CYP2C19: variants seen among roughly 807,000 people sequenced by gnomAD.
CYP2C19 encodes cytochrome P450 family 2 subfamily C member 19.
CYP2C19 carries 59 observed loss-of-function variants against 40.9 expected under a neutral mutation model. That is an observed-to-expected ratio of 1.44 (90% CI 1.17 to 1.79). The LOEUF (loss-of-function observed/expected upper bound fraction) is 1.79. CYP2C19 is among the 40% of genes most tolerant of loss of function. CYP2C19 has a pLI of 0.00. For missense variants in CYP2C19, 754 were observed against 596.9 expected (o/e 1.26, Z -2.74); for synonymous variants, 253 against 208.7 (o/e 1.21, Z -1.83).
chr10:94,828,943 G>T (rs538002781), intron 6 of CYP2C19, among the ~76,000 whole-genome samples: 165 of 151,946 alleles, frequency 1.1e-3, no homozygotes, highest in African/African-American at 3.9e-3. Flanking sequence ...GGCTGGATAT[G>T]AAATTCTGGG....
At position 94,804,566 on chromosome 10, in the gene CYP2C19, C is replaced by A. The variant is rs140188953; in HGVS notation, c.820-15930C>A. ...TCAGCATGTTCAAGCCTCTCCCCAC[C>A]TTAGCTGCAGGGCTTAGAATAAACA... On this transcript the variant is annotated intron_variant, in intron 5 of 8. Transcript: ENST00000371321. Among the ~76,000 whole-genome samples the A allele has an allele frequency of 4.9e-4, 75 of 152,324 alleles. 1 individual carries two copies. In the South Asian group the frequency reaches 7.7e-3, roughly 16 times the overall value.
At chr10:94,845,219 A>G (rs959355222) in intron 7 of CYP2C19, among the ~76,000 whole-genome samples, 7 of 152,214 alleles carry the variant, frequency 4.6e-5, no homozygotes, top group Admixed American at 2.0e-4. Context: ...TAAATATTTT[A>G]GACTTTTTAG....
chr10:94,853,063 A>C lies in CYP2C19; in HGVS notation c.*149A>C. 3.6e-6 allele frequency: 3 copies of C among 833,056 alleles called. No homozygotes were observed. Among genetic ancestry groups the C allele is most frequent in the Non-Finnish European group, 5.5e-6 (3 of 543,030 alleles). 51.6% of individuals were successfully genotyped at this position (833,056 alleles called of 1,614,324 possible). A position where few individuals can be genotyped will look rare whatever the true frequency, so the allele number is the denominator to read the frequency against. On this transcript the variant is annotated 3_prime_UTR_variant, in exon 9 of 9. Transcript: ENST00000371321. ...CTAGTGAACATTCAGCCTCCATTAA[A>C]AAAGTTTCACTGTGCAAATATATCT... is the stretch of plus-strand genomic sequence containing the variant.
intron 5 of CYP2C19, among the ~76,000 whole-genome samples, chr10:94,797,439 T>C (rs1020772204): frequency 6.6e-6 from 1 of 152,098 alleles, no homozygotes; most frequent in Non-Finnish European, 1.5e-5. Context: ...TCAGGCATAT[T>C]GGCCTGAAAT....
At chr10:94,827,539 T>C (rs1849249116) in intron 6 of CYP2C19, among the ~76,000 whole-genome samples, 1 of 152,190 alleles carries the variant, frequency 6.6e-6, no homozygotes, top group South Asian at 2.1e-4. Context: ...TGCGTCTATT[T>C]GATTCTTCTC....
rs34415420 is a variant in CYP2C19 at position 94,853,547 on chromosome 10, CTTTTTTT to C, written c.*643_*649del. ...TATTAAATGTTCCACATTGGTGTTC[CTTTTTTT>C]TTTTTTTTTGAGACAATGTCTCACT... On this transcript the variant is annotated 3_prime_UTR_variant, in exon 9 of 9. Transcript: ENST00000371321. 2.2e-4 allele frequency among the ~76,000 whole-genome samples: 30 copies of C among 139,180 alleles called. No individual in the cohort carries two copies. Among genetic ancestry groups the C allele is most frequent in the African/African-American group, 7.2e-4 (27 of 37,640 alleles). The allele number at this position is 139,180 out of a possible 152,430, so 91.3% of individuals were successfully genotyped here.
chr10:94,837,200 G>A (rs1396004397), intron 6 of CYP2C19, among the ~76,000 whole-genome samples: 3 of 152,140 alleles, frequency 2.0e-5, no homozygotes, highest in Non-Finnish European at 4.4e-5. Flanking sequence ...TGTCCATTGG[G>A]TTTCTGTACT....
chr10:94,851,441 CACAAATAAATAA>C (rs1849652163), intron 8 of CYP2C19, among the ~76,000 whole-genome samples: 3 of 114,294 alleles, frequency 2.6e-5, no homozygotes, highest in South Asian at 3.2e-4. Context: ...CATACCAGCA[CACAAATAAATAA>C]ATAAATAAAT....
chr10:94,773,214 G>A (rs963474204), intron 1 of CYP2C19, among the ~76,000 whole-genome samples: 7 of 152,178 alleles, frequency 4.6e-5, no homozygotes, highest in African/African-American at 9.6e-5. Flanking sequence ...TCCCTTCATT[G>A]TCACCAAAAT....
chr10:94,804,249 C>T (rs558763824), intron 5 of CYP2C19, among the ~76,000 whole-genome samples: 1 of 152,134 alleles, frequency 6.6e-6, no homozygotes, highest in Admixed American at 6.5e-5. Flanking sequence ...AATGTCATCA[C>T]CCAGGAGAAC....
chr10:94,783,010 A>G (rs1378421535), intron 5 of CYP2C19, among the ~76,000 whole-genome samples: 1 of 152,114 alleles, frequency 6.6e-6, no homozygotes, highest in African/African-American at 2.4e-5. Context: ...CCTAATGTAG[A>G]TGACAAGTTC....
intron 5 of CYP2C19, among the ~76,000 whole-genome samples, chr10:94,817,840 C>T (rs931762835): frequency 6.6e-6 from 1 of 151,656 alleles, no homozygotes; most frequent in African/African-American, 2.4e-5. Flanking sequence ...GGTGAAACCC[C>T]GTCTCTACTA....
intron 5 of CYP2C19, among the ~76,000 whole-genome samples, chr10:94,784,708 G>A (rs7081559): frequency 0.2 from 30,486 of 151,880 alleles, 3,286 homozygotes; most frequent in Middle Eastern, 0.23. Flanking sequence ...TCCTGCCCCA[G>A]CCTTCAGAGT....
At chr10:94,851,184 C>T (rs1216116072) in intron 8 of CYP2C19, among the ~76,000 whole-genome samples, 1 of 152,038 alleles carries the variant, frequency 6.6e-6, no homozygotes, top group East Asian at 1.9e-4. Flanking sequence ...ACTCAGGAAA[C>T]TTGCAGTCAT....
intron 5 of CYP2C19, among the ~76,000 whole-genome samples, chr10:94,817,423 G>C (rs1198136513): frequency 7.0e-6 from 1 of 143,172 alleles, no homozygotes; most frequent in South Asian, 2.4e-4. Flanking sequence ...TTTTGATGGG[G>C]TTGTTTGTTT....
chr10:94,813,970 A>G (rs1050217067), intron 5 of CYP2C19, among the ~76,000 whole-genome samples: 1 of 150,378 alleles, frequency 6.6e-6, no homozygotes. Flanking sequence ...GAAAAACTGC[A>G]GTATTTGGGC....
intron 6 of CYP2C19, among the ~76,000 whole-genome samples, chr10:94,832,343 T>A (rs985822359): frequency 2.6e-5 from 4 of 152,216 alleles, no homozygotes; most frequent in Non-Finnish European, 5.9e-5. Context: ...ACATCTTACA[T>A]GGTGGCAGAC....
chr10:94,793,586 C>G (rs1343872528), intron 5 of CYP2C19, among the ~76,000 whole-genome samples: 1 of 152,162 alleles, frequency 6.6e-6, no homozygotes, highest in Admixed American at 6.5e-5. Flanking sequence ...ATAGTCAGGA[C>G]TCTCAGGTGC....
rs112218875 is a variant in CYP2C19 at position 94,822,827 on chromosome 10, T to G, written c.961+2190T>G. ...TTTTGATTTGGATTTCTCTGATGAT[T>G]AGTGATGTTGAACATTTTTTCATAT... is the stretch of plus-strand genomic sequence containing the variant. On this transcript the variant is annotated intron_variant, in intron 6 of 8. Coordinates refer to ENST00000371321, the MANE Select transcript of CYP2C19 (RefSeq NM_000769.4). Among the ~76,000 whole-genome samples, 547 of 152,270 alleles carry G rather than the reference T, an allele frequency of 3.6e-3. 2 individuals are homozygous for G. The highest frequency in any genetic ancestry group is 0.013 in the African/African-American group (522 of 41,562).
Sources: allele counts gnomAD v4.1 joint callset (sites outside exome capture counted in the v4.1 genomes callset), GRCh38; gene constraint gnomAD v4.1.1; transcripts MANE v1.5; gene names NCBI Gene and HGNC (gene_info 2026-07-23, HGNC 2026-07-21).